The following EHMT2 variants were observed in gnomAD, a reference collection of about 807,000 sequenced individuals.
The protein encoded by EHMT2 is histone-lysine N-methyltransferase EHMT2.
Under a neutral mutation model 143.3 loss-of-function variants are expected in EHMT2, and 59 were observed. The observed-to-expected ratio is 0.41, with a 90% CI of 0.33 to 0.51. The LOEUF is 0.51. Ranked by LOEUF, EHMT2 falls within the 20% of genes least tolerant of loss-of-function variation. The pLI is 0.18. For synonymous variants in EHMT2, 604 were observed against 651.5 expected, an observed-to-expected ratio of 0.93 and a Z score of 1.11; for missense variants, 1,174 against 1,645.9, an observed-to-expected ratio of 0.71 and a Z score of 4.96.
At chr6:31,896,232 T>C in intron 4 of EHMT2, 31 bp downstream of exon 4, 2 of 1,587,088 alleles carry the variant, frequency 1.3e-6, no homozygotes, top group Non-Finnish European at 1.7e-6. Context: ...AGGTTTATGG[T>C]TGATTATCCC....
chr6:31,882,890 T>C lies in EHMT2; in HGVS notation c.3110+4A>G. 1.2e-6 allele frequency: 2 copies of C among 1,612,804 alleles called. 1 individual carries two copies. The highest frequency in any genetic ancestry group is 2.2e-5 in the South Asian group (2 of 91,082). On this transcript the variant is annotated splice_donor_region_variant and intron_variant, in intron 24 of 27. Transcript: ENST00000375537. ...AGAGGGTGGGCTGTGGAGCAGGGCC[T>C]CACTTGATGCCACTCTGTACGACCC...
chr6:31,897,130 G>A (rs1440007664), intron 1 of EHMT2, 141 bp from the exon 2 acceptor site: 1 of 1,396,382 alleles, frequency 7.2e-7, no homozygotes. Context: ...CCGCGGCCTC[G>A]GCTGCCCGGA....
chr6:31,890,758 G>A (rs1188451934), intron 7 of EHMT2, among the ~76,000 whole-genome samples: 2 of 149,260 alleles, frequency 1.3e-5, no homozygotes, highest in African/African-American at 4.9e-5. Flanking sequence ...CCAGCTACTT[G>A]GGAGACTGAG....
chr6:31,893,263 T>C (rs979431453), intron 4 of EHMT2: 7 of 475,642 alleles, frequency 1.5e-5, no homozygotes, highest in Admixed American at 8.7e-5. Context: ...GACAGATGAA[T>C]GGATAAGCAA....
chr6:31,891,463 A>G (rs1479387495), intron 7 of EHMT2, among the ~76,000 whole-genome samples: 2 of 152,210 alleles, frequency 1.3e-5, no homozygotes, highest in Non-Finnish European at 2.9e-5. Flanking sequence ...GTTTAGGTAA[A>G]ATGATATGAG....
At position 31,896,986 on chromosome 6, in the gene EHMT2, C is replaced by A; in HGVS notation, c.46G>T (p.Glu16Ter). 1 of 1,569,208 alleles carries A rather than the reference C, an allele frequency of 6.4e-7. No individual in the cohort carries two copies. The highest frequency in any genetic ancestry group is 8.6e-7 in the Non-Finnish European group (1 of 1,161,540). ...AGCGCCCCCATCTCAGCGGGGGCCT[C>A]CCCCTGGGAGGGGAGACAAGGGACA... The change falls in exon 2 of 28, where the codon GAG (glutamate) becomes TAG (stop). Residue 16 changes from glutamate to a stop codon, truncating the protein, a stop_gained. Coordinates refer to ENST00000375537, the Ensembl canonical transcript of EHMT2. LOFTEE classifies it high-confidence loss of function.
chr6:31,894,309 G>A (rs936806939), intron 4 of EHMT2, among the ~76,000 whole-genome samples: 13 of 152,200 alleles, frequency 8.5e-5, no homozygotes, highest in African/African-American at 3.1e-4. Context: ...CACCATGCCC[G>A]GCTAATTTTG....
intron 4 of EHMT2, chr6:31,895,621 CTG>C (rs375658312): frequency 6.6e-6 from 1 of 152,312 alleles, no homozygotes; most frequent in African/African-American, 2.4e-5. Context: ...CATAGTGAAA[CTG>C]TCTTCAAAAA....
rs1402842165 is a variant in EHMT2, at chr6:31,888,649, T to C, written c.1315A>G (p.Ser439Gly). 2 of 1,613,622 alleles carry C rather than the reference T, an allele frequency of 1.2e-6. No homozygotes were observed. Among genetic ancestry groups the C allele is most frequent in the East Asian group, 2.2e-5 (1 of 44,880 alleles). The change falls in exon 11 of 28, where the codon AGC becomes GGC. Residue 439 changes from serine to glycine, a missense_variant. By Grantham distance (56) the Ser-to-Gly change is moderately conservative. Around this residue, in one of 6 missense-constraint regions of EHMT2, gnomAD observed 608 missense variants for 903.7 expected, o/e 0.67. Coordinates refer to ENST00000375537, the Ensembl canonical transcript of EHMT2. The surrounding 1 kb of genome is among the most constrained non-coding windows in gnomAD (Gnocchi z 7.4). ...ATGCACTTGTGCCCCGCCCTCTCGC[T>C]GATGCGGTCAATCTTGGGTGCCTCC...
Position 31,888,804 on chromosome 6 carries a change from C to G in EHMT2, c.1217-57G>C. ...GCTCTGCACCTCACCTACTGGGACC[C>G]CTGGCGGGTCCTCTCACTCCCTCCC... On this transcript the variant is annotated intron_variant, in intron 10 of 27. Coordinates refer to ENST00000375537, the Ensembl canonical transcript of EHMT2. The surrounding 1 kb of genome is among the most constrained non-coding windows in gnomAD (Gnocchi z 7.4). The G allele has an allele frequency of 1.6e-5, 25 of 1,590,878 alleles. No individual in the cohort carries two copies. Among genetic ancestry groups the G allele is most frequent in the Non-Finnish European group, 2.1e-5 (24 of 1,170,576 alleles).
Position 31,882,880 on chromosome 6 carries a change from G to T in EHMT2, c.3110+14C>A. On this transcript the variant is annotated intron_variant, in intron 24 of 27. Coordinates refer to ENST00000375537, the Ensembl canonical transcript of EHMT2. ...TGAGGTGGGGAGAGGGTGGGCTGTG[G>T]AGCAGGGCCTCACTTGATGCCACTC... is the stretch of plus-strand genomic sequence containing the variant. The T allele has an allele frequency of 6.2e-7, 1 of 1,612,352 alleles. No individual in the cohort carries two copies. Among genetic ancestry groups the T allele is most frequent in the Non-Finnish European group, 8.5e-7 (1 of 1,179,428 alleles).
chr6:31,879,931 G>T, exon 28 of EHMT2: 2 of 935,252 alleles, frequency 2.1e-6, no homozygotes, highest in South Asian at 3.4e-5. Flanking sequence ...CAGACCTCCA[G>T]GGCCTGGCTG....
chr6:31,896,749 G>A, exon 3 of EHMT2: 1 of 1,613,010 alleles, frequency 6.2e-7, no homozygotes, highest in Non-Finnish European at 8.5e-7. Flanking sequence ...TGAGGGGCCA[G>A]CAGGCTCCAG....
chr6:31,884,367 G>A lies in EHMT2; in HGVS notation c.2771+25C>T, dbSNP rs1214563535. On this transcript the variant is annotated intron_variant, in intron 21 of 27. Coordinates refer to ENST00000375537, the Ensembl canonical transcript of EHMT2. This position sits in a 1 kb window ranked among gnomAD's most constrained non-coding sequence, Gnocchi z 7.3. ...ATGGGTGGGGAGGAGGTGGTCTTGGGTGCAGAGAGGGGCCCAGGGCTCACC... is the reference window on the plus strand; with the variant it reads ...ATGGGTGGGGAGGAGGTGGTCTTGGATGCAGAGAGGGGCCCAGGGCTCACC... The A allele has an allele frequency of 1.3e-6, 2 of 1,599,404 alleles. No individual in the cohort carries two copies. Among genetic ancestry groups the A allele is most frequent in the Non-Finnish European group, 1.7e-6 (2 of 1,172,978 alleles).
In EHMT2 at chr6:31,885,034, G is replaced by A; in HGVS notation, c.2344-18C>T. 2 of 1,594,496 alleles carry A rather than the reference G, an allele frequency of 1.3e-6. No individual in the cohort carries two copies. The highest frequency in any genetic ancestry group is 1.7e-6 in the Non-Finnish European group (2 of 1,166,370). ...CCACTGTCCTGTGGGTGGGAAGGGAGTGAGGGTGGGGGCAGCTGGCCCTGC... is the reference window on the plus strand; with the variant it reads ...CCACTGTCCTGTGGGTGGGAAGGGAATGAGGGTGGGGGCAGCTGGCCCTGC... On this transcript the variant is annotated intron_variant, in intron 18 of 27. Coordinates refer to ENST00000375537, the Ensembl canonical transcript of EHMT2.
intron 18 of EHMT2, chr6:31,886,297 A>G (rs960708540): frequency 2.1e-6 from 1 of 465,910 alleles, no homozygotes; most frequent in Non-Finnish European, 3.8e-6. Flanking sequence ...ATGCCAATAA[A>G]TGACTAAAAC....
exon 2 of EHMT2, chr6:31,896,925 C>G: frequency 6.2e-7 from 1 of 1,600,238 alleles, no homozygotes; most frequent in Non-Finnish European, 8.5e-7. Context: ...GCACTCACCT[C>G]TCTCGGTGGC....
rs758007150 is a variant in EHMT2 at position 31,888,009 on chromosome 6, G to T, written c.1745+32C>A. ...CCAGGAGCAATAGGGGTGGGGGAGG[G>T]AACAGACAGTACAGAAGGGGGAGGC... On this transcript the variant is annotated intron_variant, in intron 13 of 27. Transcript: ENST00000375537. This position sits in a 1 kb window ranked among gnomAD's most constrained non-coding sequence, Gnocchi z 7.4. The T allele has an allele frequency of 6.4e-7, 1 of 1,562,576 alleles. No homozygotes were observed. The highest frequency in any genetic ancestry group is 8.7e-7 in the Non-Finnish European group (1 of 1,150,512).
rs1156724439 is a variant in EHMT2, at chr6:31,889,191, G to C, written c.1114+37C>G. 6.4e-7 allele frequency: 1 copy of C among 1,573,846 alleles called. No individual in the cohort carries two copies. Among genetic ancestry groups the C allele is most frequent in the Non-Finnish European group, 8.6e-7 (1 of 1,159,264 alleles). On this transcript the variant is annotated intron_variant, in intron 9 of 27. Coordinates refer to ENST00000375537, the Ensembl canonical transcript of EHMT2. The surrounding 1 kb of genome is among the most constrained non-coding windows in gnomAD (Gnocchi z 5.1). ...CACACACTCTGGGGGGCCGGGCGGGGGCTGGAGGGCACCCAAAAGCAGCAG... is the reference window on the plus strand; with the variant it reads ...CACACACTCTGGGGGGCCGGGCGGGCGCTGGAGGGCACCCAAAAGCAGCAG...
Sources: allele counts gnomAD v4.1 joint callset (sites outside exome capture counted in the v4.1 genomes callset), GRCh38; gene constraint gnomAD v4.1.1; regional missense constraint gnomAD v4.1.1; non-coding constraint Gnocchi (gnomAD v3.1); transcripts MANE v1.5; gene names NCBI Gene and HGNC (gene_info 2026-07-23, HGNC 2026-07-21).